Variants in CHD7 observed in about 807,000 individuals in gnomAD.
The protein encoded by CHD7 is ATP-dependent chromatin remodeler CHD7.
A neutral mutation model predicts 307.3 loss-of-function variants in CHD7; 24 were observed. That is an observed-to-expected ratio of 0.08 (90% CI 0.06 to 0.11). The LOEUF (loss-of-function observed/expected upper bound fraction) is 0.11. CHD7 is among the 10% of genes least tolerant of loss of function. CHD7 has a pLI of 1.00. For missense variants in CHD7, 3,106 were observed against 3,727.1 expected (o/e 0.83, Z 4.34); for synonymous variants, 1,363 against 1,349.9 (o/e 1.01, Z -0.21).
chr8:60,704,509 C>CT (rs1806922016), intron 1 of CHD7, among the ~76,000 whole-genome samples: 1 of 148,290 alleles, frequency 6.7e-6, no homozygotes. Flanking sequence ...AGAGCTTGGT[C>CT]TGTACCCCAA....
chr8:60,710,843 A>G (rs1436369953), intron 1 of CHD7, among the ~76,000 whole-genome samples: 3 of 152,234 alleles, frequency 2.0e-5, no homozygotes, highest in East Asian at 1.9e-4. Context: ...TGGAAAATGC[A>G]TACTATGTGC....
At chr8:60,784,887 G>C (rs1811423601) in intron 3 of CHD7, among the ~76,000 whole-genome samples, 1 of 152,106 alleles carries the variant, frequency 6.6e-6, no homozygotes, top group Non-Finnish European at 1.5e-5. Flanking sequence ...TAATCAGGCT[G>C]TATCTTTTTT....
At chr8:60,737,392 C>G (rs1808764242) in intron 1 of CHD7, among the ~76,000 whole-genome samples, 1 of 152,138 alleles carries the variant, frequency 6.6e-6, no homozygotes, top group African/African-American at 2.4e-5. Context: ...TCATTCATTT[C>G]TTTCATCTTT....
intron 1 of CHD7, among the ~76,000 whole-genome samples, chr8:60,682,093 A>G (rs1805658897): frequency 6.6e-6 from 1 of 152,244 alleles, no homozygotes; most frequent in Non-Finnish European, 1.5e-5. Flanking sequence ...TCAAGGAAAG[A>G]AATAACTTTT....
rs1459795795 is a variant in CHD7 at position 60,867,489 on chromosome 8, A to C, written c.*1556A>C. 6.6e-6 allele frequency: 1 copy of C among 152,242 alleles called. No homozygotes were observed. The highest frequency in any genetic ancestry group is 1.5e-5 in the Non-Finnish European group (1 of 68,046). 9.4% of individuals were successfully genotyped at this position (152,242 alleles called of 1,614,324 possible). ...ACCCCTTTTTGACCTTTGGTATTTA[A>C]AGTAAAATATAATTTGAGATCTACT... On this transcript the variant is annotated 3_prime_UTR_variant, in exon 38 of 38. Coordinates refer to ENST00000423902, the MANE Select transcript of CHD7 (RefSeq NM_017780.4).
chr8:60,695,561 T>C (rs1806425352), intron 1 of CHD7, among the ~76,000 whole-genome samples: 2 of 152,192 alleles, frequency 1.3e-5, no homozygotes, highest in South Asian at 4.1e-4. Flanking sequence ...GGAAGCATTG[T>C]CTCATGTTTG....
intron 6 of CHD7, among the ~76,000 whole-genome samples, chr8:60,803,791 T>G (rs1342836555): frequency 6.6e-6 from 1 of 152,230 alleles, no homozygotes; most frequent in African/African-American, 2.4e-5. Context: ...TTTAATAACA[T>G]TGGAAGAAAG....
At chr8:60,744,453 GC>G (rs1809218172) in intron 2 of CHD7, among the ~76,000 whole-genome samples, 1 of 135,018 alleles carries the variant, frequency 7.4e-6, no homozygotes, top group Non-Finnish European at 1.5e-5. Flanking sequence ...AGTAAACAAA[GC>G]CACTCAGGGC....
intron 34 of CHD7, among the ~76,000 whole-genome samples, chr8:60,858,754 C>T (rs10086349): frequency 0.69 from 104,581 of 152,004 alleles, 36,411 homozygotes; most frequent in African/African-American, 0.77. Flanking sequence ...ACTACAGGCG[C>T]GCACCACCAT....
chr8:60,799,689 A>G (rs188013601), intron 4 of CHD7, among the ~76,000 whole-genome samples: 130 of 152,058 alleles, frequency 8.5e-4, no homozygotes, highest in East Asian at 1.5e-3. Flanking sequence ...TGGACTTTTT[A>G]TATGGGAAAA....
chr8:60,690,196 TA>T (rs555574472), intron 1 of CHD7, among the ~76,000 whole-genome samples: 4,664 of 145,094 alleles, frequency 0.032, 200 homozygotes, highest in African/African-American at 0.093. Flanking sequence ...GCCAGGGGAT[TA>T]AAAAAAAAAA....
intron 15 of CHD7, among the ~76,000 whole-genome samples, chr8:60,831,051 A>G (rs1293772797): frequency 1.3e-5 from 2 of 152,240 alleles, no homozygotes; most frequent in African/African-American, 4.8e-5. Context: ...TCCTCTGAGA[A>G]CAAAAAAATT....
chr8:60,829,381 C>T (rs1165683391), intron 14 of CHD7, among the ~76,000 whole-genome samples: 3 of 152,214 alleles, frequency 2.0e-5, no homozygotes, highest in East Asian at 1.9e-4. Context: ...AGGCGGATCA[C>T]GAGGTCAGGA....
intron 1 of CHD7, among the ~76,000 whole-genome samples, chr8:60,681,427 G>C (rs1284163497): frequency 6.6e-6 from 1 of 152,190 alleles, no homozygotes; most frequent in Non-Finnish European, 1.5e-5. Context: ...ATAATAAAGA[G>C]GCTGAAAGCT....
In CHD7 at chr8:60,856,799, C is replaced by T; in HGVS notation, c.7519C>T (p.Pro2507Ser). The T allele has an allele frequency of 6.2e-7, 1 of 1,609,034 alleles. No individual in the cohort carries two copies. Among genetic ancestry groups the T allele is most frequent in the Non-Finnish European group, 8.5e-7 (1 of 1,176,974 alleles). ...LLNGSLVDGE[P>S]PMKRRRGRRK... is the part of the protein sequence containing the mutation. Reference sequence around the variant, plus strand: ...TAATGGCTCCCTAGTGGATGGAGAGCCTCCCATGAAGAGGAGGCGGGGAAG... The same window carrying T: ...TAATGGCTCCCTAGTGGATGGAGAGTCTCCCATGAAGAGGAGGCGGGGAAG... The change falls in exon 34 of 38, where the codon CCT becomes TCT. Residue 2507 changes from proline to serine, a missense_variant. Pro to Ser is a moderately conservative substitution (Grantham distance 74). Around this residue, in one of 10 missense-constraint regions of CHD7, gnomAD observed 1,030 missense variants for 1,165.4 expected, o/e 0.88. Transcript: ENST00000423902.
chr8:60,695,102 G>A lies in CHD7; in HGVS notation c.-175+16020G>A, dbSNP rs74500033. On this transcript the variant is annotated intron_variant, in intron 1 of 37. Coordinates refer to ENST00000423902, the MANE Select transcript of CHD7 (RefSeq NM_017780.4). Reference sequence around the variant, plus strand: ...AGGGACTAGGAGCCTGGCATGGAGCGGAGAATAGCTTAGAAAGCCTCCTTT... The same window carrying A: ...AGGGACTAGGAGCCTGGCATGGAGCAGAGAATAGCTTAGAAAGCCTCCTTT... 3.2e-3 allele frequency among the ~76,000 whole-genome samples: 492 copies of A among 152,228 alleles called. 5 individuals are homozygous for A. The East Asian group carries it at 0.033, about 10-fold the overall frequency.
intron 15 of CHD7, among the ~76,000 whole-genome samples, chr8:60,831,042 C>T (rs1804492054): frequency 6.6e-6 from 1 of 152,132 alleles, no homozygotes; most frequent in Non-Finnish European, 1.5e-5. Context: ...GCACCTCTAT[C>T]CTCTGAGAAC....
At chr8:60,682,047 G>A (rs887204656) in intron 1 of CHD7, among the ~76,000 whole-genome samples, 5 of 152,002 alleles carry the variant, frequency 3.3e-5, no homozygotes, top group Non-Finnish European at 5.9e-5. Flanking sequence ...TGGTTGTACC[G>A]GTGATGTTTA....
intron 19 of CHD7, among the ~76,000 whole-genome samples, chr8:60,840,388 T>G (rs1289347194): frequency 6.6e-6 from 1 of 152,212 alleles, no homozygotes; most frequent in Non-Finnish European, 1.5e-5. Context: ...CTATCTCTGT[T>G]TGTCCACCTG....
Sources: gnomAD v4.1 joint callset for allele counts (sites outside exome capture counted in the v4.1 genomes callset) on GRCh38, gnomAD v4.1.1 for gene constraint, gnomAD v4.1.1 regional missense constraint, MANE v1.5 for transcripts, NCBI Gene and HGNC (gene_info 2026-07-23, HGNC 2026-07-21) for gene names.